The following BRINP3 variants were observed in gnomAD, a reference collection of about 807,000 sequenced individuals.
The protein encoded by BRINP3 is BMP/retinoic acid inducible neural specific 3.
In BRINP3, 19 loss-of-function variants were observed where a neutral mutation model predicts 71.0. The ratio of observed to expected loss-of-function variants is 0.27; its 90% CI spans 0.19 to 0.39. BRINP3 has a LOEUF of 0.39. Among genes scored for constraint, BRINP3 ranks in the 10% least tolerant of loss-of-function variants. The pLI, the probability that BRINP3 is intolerant of heterozygous loss-of-function variation, is 1.00. For synonymous variants in BRINP3, 380 were observed against 337.7 expected (o/e 1.13, Z -1.37); for missense variants, 959 against 940.8 (o/e 1.02, Z -0.25).
intron 6 of BRINP3, among the ~76,000 whole-genome samples, chr1:190,217,794 G>C (rs1656537230): frequency 1.3e-5 from 2 of 151,960 alleles, no homozygotes; most frequent in African/African-American, 2.4e-5. Flanking sequence ...ACTATGGCAA[G>C]AGCCTTTGGT....
chr1:190,438,523 ATC>A (rs1320376770), intron 2 of BRINP3, among the ~76,000 whole-genome samples: 6 of 151,854 alleles, frequency 4.0e-5, no homozygotes, highest in Admixed American at 1.3e-4. Context: ...ATAAAAAGCC[ATC>A]ATGAAGCTTG....
chr1:190,132,054 C>A (rs1036388603), intron 7 of BRINP3, among the ~76,000 whole-genome samples: 2 of 151,982 alleles, frequency 1.3e-5, no homozygotes, highest in Admixed American at 1.3e-4. Flanking sequence ...GTAATCTAAG[C>A]ATCAATTTAT....
At chr1:190,332,421 T>C (rs1479848266) in intron 2 of BRINP3, among the ~76,000 whole-genome samples, 1 of 152,024 alleles carries the variant, frequency 6.6e-6, no homozygotes, top group African/African-American at 2.4e-5. Flanking sequence ...TATTTACCAC[T>C]GCACCTGTCC....
intron 2 of BRINP3, among the ~76,000 whole-genome samples, chr1:190,308,566 A>C (rs954023429): frequency 2.0e-5 from 3 of 151,808 alleles, no homozygotes; most frequent in Non-Finnish European, 2.9e-5. Context: ...TGGGTGCAGC[A>C]CACCAGCATA....
intron 2 of BRINP3, among the ~76,000 whole-genome samples, chr1:190,375,875 C>T (rs80228121): frequency 0.016 from 2,495 of 151,786 alleles, 37 homozygotes; most frequent in Non-Finnish European, 0.025. Context: ...TTTGTTTTTC[C>T]ATTTTCTATA....
chr1:190,162,222 T>C (rs1250786628), intron 6 of BRINP3, among the ~76,000 whole-genome samples: 1 of 151,424 alleles, frequency 6.6e-6, no homozygotes, highest in Non-Finnish European at 1.5e-5. Context: ...GATGGGGTTT[T>C]GCTCGTTATC....
At chr1:190,333,241 T>C (rs1667079514) in intron 2 of BRINP3, among the ~76,000 whole-genome samples, 1 of 151,932 alleles carries the variant, frequency 6.6e-6, no homozygotes, top group Non-Finnish European at 1.5e-5. Flanking sequence ...GATCTCCAGG[T>C]ATACAGCCAG....
intron 2 of BRINP3, among the ~76,000 whole-genome samples, chr1:190,414,481 C>T (rs928249270): frequency 6.6e-6 from 1 of 152,120 alleles, no homozygotes; most frequent in Non-Finnish European, 1.5e-5. Flanking sequence ...TATAGCCACT[C>T]TAGAGGTCAC....
intron 2 of BRINP3, among the ~76,000 whole-genome samples, chr1:190,448,628 G>A (rs917157488): frequency 1.3e-5 from 2 of 151,424 alleles, no homozygotes; most frequent in Non-Finnish European, 3.0e-5. Context: ...AAAGAAAATC[G>A]ATTATCTTTT....
intron 6 of BRINP3, among the ~76,000 whole-genome samples, chr1:190,179,331 C>T (rs1221966357): frequency 6.6e-6 from 1 of 152,082 alleles, no homozygotes; most frequent in Non-Finnish European, 1.5e-5. Flanking sequence ...GGTCCCTCTG[C>T]TTTTACTATT....
rs186517892 is a variant in BRINP3, at chr1:190,106,485, A to T, written c.1185-7351T>A. Reference sequence around the variant, plus strand: ...TTAAAAGTATAATATTATTTTTAAAAGGTCATTTCATTTCATCCTTCATAG... The same window carrying T: ...TTAAAAGTATAATATTATTTTTAAATGGTCATTTCATTTCATCCTTCATAG... On this transcript the variant is annotated intron_variant, in intron 7 of 7. Coordinates refer to ENST00000367462, the MANE Select transcript of BRINP3 (RefSeq NM_199051.3). Among the ~76,000 whole-genome samples, 34 of 151,590 alleles carry T rather than the reference A, an allele frequency of 2.2e-4. No homozygotes were observed. In the East Asian group the frequency reaches 5.8e-3, roughly 26 times the overall value.
At chr1:190,208,463 A>G (rs1295692945) in intron 6 of BRINP3, among the ~76,000 whole-genome samples, 1 of 151,974 alleles carries the variant, frequency 6.6e-6, no homozygotes, top group Non-Finnish European at 1.5e-5. Context: ...TGTGAGAACC[A>G]TGTACTTTAT....
At chr1:190,328,699 A>G (rs1666766551) in intron 2 of BRINP3, among the ~76,000 whole-genome samples, 4 of 151,030 alleles carry the variant, frequency 2.6e-5, no homozygotes, top group Non-Finnish European at 5.9e-5. Context: ...CCCTGATATA[A>G]AAACCTGGCA....
chr1:190,379,144 C>CAGA (rs1343576925), intron 2 of BRINP3, among the ~76,000 whole-genome samples: 1 of 152,086 alleles, frequency 6.6e-6, no homozygotes, highest in East Asian at 1.9e-4. Flanking sequence ...TGGAAATGTA[C>CAGA]AGAGCCACTG....
At chr1:190,436,548 T>G (rs1474020320) in intron 2 of BRINP3, among the ~76,000 whole-genome samples, 1 of 151,924 alleles carries the variant, frequency 6.6e-6, no homozygotes, top group African/African-American at 2.4e-5. Flanking sequence ...TTATAATTTT[T>G]GAATTATAAA....
At chr1:190,124,284 T>C (rs1653913735) in intron 7 of BRINP3, among the ~76,000 whole-genome samples, 1 of 152,170 alleles carries the variant, frequency 6.6e-6, no homozygotes, top group African/African-American at 2.4e-5. Flanking sequence ...TGCTATGGAA[T>C]GACATAACAA....
intron 1 of BRINP3, among the ~76,000 whole-genome samples, chr1:190,457,785 T>TG: frequency 6.6e-6 from 1 of 152,290 alleles, no homozygotes. Context: ...AGGATACAGT[T>TG]GACCTAGATG....
Position 190,277,087 on chromosome 1 carries a change from T to TTTTATATATATATATA in BRINP3, c.427+4472_427+4473insTATATATATATATAAA, listed in dbSNP as rs1290283215. Among the ~76,000 whole-genome samples the TTTTATATATATATATA allele has an allele frequency of 1.9e-3, 68 of 36,034 alleles. 1 individual carries two copies. Among genetic ancestry groups the TTTTATATATATATATA allele is most frequent in the South Asian group, 3.8e-3 (2 of 530 alleles). The allele number at this position is 36,034 out of a possible 152,430, so 23.6% of individuals were successfully genotyped here. On this transcript the variant is annotated intron_variant, in intron 3 of 7. Coordinates refer to ENST00000367462, the MANE Select transcript of BRINP3 (RefSeq NM_199051.3). ...TTTGATCCTGAAATAAATTTTGGTT[T>TTTTATATATATATATA]TATATATATATATATATATATATAT...
At chr1:190,250,812 T>A (rs1021767694) in intron 4 of BRINP3, among the ~76,000 whole-genome samples, 5 of 151,962 alleles carry the variant, frequency 3.3e-5, no homozygotes, top group African/African-American at 1.2e-4. Context: ...ATCCAGTGAT[T>A]ATGGGTGGAA....
Sources: allele counts gnomAD v4.1 joint callset (sites outside exome capture counted in the v4.1 genomes callset), GRCh38; gene constraint gnomAD v4.1.1; transcripts MANE v1.5; gene names NCBI Gene and HGNC (gene_info 2026-07-23, HGNC 2026-07-21).